SYT16: variants seen among roughly 807,000 people sequenced by gnomAD.
SYT16 encodes the protein synaptotagmin-16.
In SYT16, 42 loss-of-function variants were observed where a neutral mutation model predicts 61.4. The observed-to-expected ratio is 0.68, with a 90% CI of 0.53 to 0.89. SYT16 has a LOEUF of 0.89. Ranked by LOEUF, SYT16 falls within the 40% of genes least tolerant of loss-of-function variation. SYT16 has a pLI of 0.00. For missense variants in SYT16, 804 were observed against 807.3 expected (o/e 1.00, Z 0.05); for synonymous variants, 314 against 302.3 (o/e 1.04, Z -0.40).
chr14:62,036,752 A>G (rs1164682657), intron 3 of SYT16, among the ~76,000 whole-genome samples: 1 of 152,108 alleles, frequency 6.6e-6, no homozygotes, highest in Non-Finnish European at 1.5e-5. Flanking sequence ...AAGCACGGGA[A>G]AAACCCGCCC....
At chr14:61,812,591 C>T (rs925308968), upstream of SYT16, 3 of 149,770 alleles carry the variant, frequency 2.0e-5, no homozygotes, top group Non-Finnish European at 4.5e-5. Context: ...GCTGGGCTCT[C>T]AGGACGCCGG....
At chr14:61,955,683 T>G (rs1189575642) in intron 1 of SYT16, among the ~76,000 whole-genome samples, 1 of 152,146 alleles carries the variant, frequency 6.6e-6, no homozygotes, top group Non-Finnish European at 1.5e-5. Flanking sequence ...CTTTATCCAT[T>G]CATCCATTGA....
intron 1 of SYT16, among the ~76,000 whole-genome samples, chr14:61,841,076 T>C (rs2140252271): frequency 6.6e-6 from 1 of 152,320 alleles, no homozygotes; most frequent in African/African-American, 2.4e-5. Context: ...TTTGGCTTGC[T>C]TGAGGACCTA....
intron 2 of SYT16, among the ~76,000 whole-genome samples, chr14:61,975,690 T>G (rs2051759535): frequency 6.6e-6 from 1 of 152,172 alleles, no homozygotes; most frequent in Non-Finnish European, 1.5e-5. Flanking sequence ...ATGTGGGGAT[T>G]ATGGGGATCC....
Position 62,073,761 on chromosome 14 carries a change from A to G in SYT16, c.737-1374A>G, listed in dbSNP as rs573504601. On this transcript the variant is annotated intron_variant, in intron 4 of 7. Coordinates refer to ENST00000683842, the MANE Select transcript of SYT16 (RefSeq NM_001367656.1). Reference sequence around the variant, plus strand: ...ATACATGGGTCATGTACTCTGGTGAACCCCTGTCACCACCACTCATATTGC... The same window carrying G: ...ATACATGGGTCATGTACTCTGGTGAGCCCCTGTCACCACCACTCATATTGC... Among the ~76,000 whole-genome samples, 321 of 152,208 alleles carry G rather than the reference A, an allele frequency of 2.1e-3. 6 individuals are homozygous for G. The highest frequency in any genetic ancestry group is 0.017 in the Middle Eastern group (5 of 292).
chr14:61,850,187 T>G (rs1005577191), intron 1 of SYT16, among the ~76,000 whole-genome samples: 9 of 151,746 alleles, frequency 5.9e-5, no homozygotes, highest in African/African-American at 1.7e-4. Flanking sequence ...CAGGCTGGAG[T>G]GCAATGGTGT....
At chr14:61,871,160 C>T (rs1029953672) in intron 1 of SYT16, among the ~76,000 whole-genome samples, 4 of 152,048 alleles carry the variant, frequency 2.6e-5, no homozygotes, top group Admixed American at 2.0e-4. Context: ...CTAATTTGGC[C>T]CTACTAATGA....
chr14:61,893,811 G>A (rs995049152), intron 1 of SYT16, among the ~76,000 whole-genome samples: 4 of 152,226 alleles, frequency 2.6e-5, no homozygotes, highest in African/African-American at 9.6e-5. Flanking sequence ...TTGTGCACAT[G>A]GTGGCAGAGC....
rs1306199195 is a variant in SYT16, at chr14:62,068,977, G to T, written c.524-626G>T. On this transcript the variant is annotated intron_variant, in intron 3 of 7. Coordinates refer to ENST00000683842, the MANE Select transcript of SYT16 (RefSeq NM_001367656.1). Reference sequence around the variant, plus strand: ...TGCCTGGCTAATTTTTGTATTTTTTGTAGAGACAGGGTTTCACCATATTGG... The same window carrying T: ...TGCCTGGCTAATTTTTGTATTTTTTTTAGAGACAGGGTTTCACCATATTGG... Among the ~76,000 whole-genome samples, 5 of 151,932 alleles carry T rather than the reference G, an allele frequency of 3.3e-5. No homozygotes were observed. In the South Asian group the frequency reaches 8.3e-4, roughly 25 times the overall value.
intron 3 of SYT16, 136 bp downstream of exon 3, chr14:61,996,678 T>G (rs575874193): frequency 2.0e-5 from 22 of 1,089,194 alleles, no homozygotes; most frequent in Non-Finnish European, 2.4e-5. Context: ...GGCTTCTGAT[T>G]GAGAGATATA....
At chr14:61,966,311 G>A (rs879499779) in intron 1 of SYT16, among the ~76,000 whole-genome samples, 3 of 151,730 alleles carry the variant, frequency 2.0e-5, no homozygotes, top group Non-Finnish European at 1.5e-5. Context: ...ATATGAAATA[G>A]TATATCAATT....
chr14:61,899,191 A>G (rs996828439), intron 1 of SYT16, among the ~76,000 whole-genome samples: 2 of 152,172 alleles, frequency 1.3e-5, no homozygotes, highest in African/African-American at 2.4e-5. Flanking sequence ...TCACAGGTAC[A>G]GTAATTAGCT....
intron 1 of SYT16, among the ~76,000 whole-genome samples, chr14:61,846,272 A>C (rs1211478971): frequency 6.6e-6 from 1 of 152,096 alleles, no homozygotes; most frequent in Non-Finnish European, 1.5e-5. Context: ...TCCACTTATT[A>C]TTAGCTATTA....
At chr14:61,927,541 AT>A (rs529114817) in intron 1 of SYT16, among the ~76,000 whole-genome samples, 4 of 152,114 alleles carry the variant, frequency 2.6e-5, no homozygotes, top group Non-Finnish European at 4.4e-5. Flanking sequence ...CAGGATGATA[AT>A]TTTTTTTCCA....
intron 3 of SYT16, among the ~76,000 whole-genome samples, chr14:62,005,285 C>A (rs1360807199): frequency 6.6e-6 from 1 of 152,084 alleles, no homozygotes; most frequent in Non-Finnish European, 1.5e-5. Flanking sequence ...AAAGAGCAAG[C>A]CTTTATTGAG....
intron 3 of SYT16, among the ~76,000 whole-genome samples, chr14:62,049,741 A>C (rs2055181092): frequency 6.6e-6 from 1 of 152,156 alleles, no homozygotes; most frequent in East Asian, 1.9e-4. Context: ...TATGAAGCTT[A>C]GTTTGGCAGA....
At chr14:62,051,721 C>G (rs143874317) in intron 3 of SYT16, among the ~76,000 whole-genome samples, 716 of 152,296 alleles carry the variant, frequency 4.7e-3, no homozygotes, top group Non-Finnish European at 7.3e-3. Flanking sequence ...CTCAGTCGAT[C>G]TTGTTAGTGG....
chr14:61,915,905 G>A (rs1208898659), intron 1 of SYT16, among the ~76,000 whole-genome samples: 1 of 152,136 alleles, frequency 6.6e-6, no homozygotes, highest in Non-Finnish European at 1.5e-5. Context: ...TATAGTCTTT[G>A]CCAAAGATGA....
intron 1 of SYT16, among the ~76,000 whole-genome samples, chr14:61,879,176 G>T (rs2047604246): frequency 6.6e-6 from 1 of 152,042 alleles, no homozygotes; most frequent in Non-Finnish European, 1.5e-5. Context: ...TCCCAGCTTG[G>T]AATACGACCA....
Sources: gnomAD v4.1 joint callset for allele counts (sites outside exome capture counted in the v4.1 genomes callset) on GRCh38, gnomAD v4.1.1 for gene constraint, MANE v1.5 for transcripts, NCBI Gene and HGNC (gene_info 2026-07-23, HGNC 2026-07-21) for gene names.